Variants in CORO2A observed in about 807,000 individuals in gnomAD.
CORO2A encodes coronin-2A.
CORO2A carries 47 observed loss-of-function variants against 62.4 expected under a neutral mutation model. The ratio of observed to expected loss-of-function variants is 0.75; its 90% confidence interval spans 0.60 to 0.96. CORO2A has a LOEUF of 0.96. Among genes scored for constraint, CORO2A ranks in the 40% least tolerant of loss-of-function variants. The probability of loss-of-function intolerance (pLI) is 0.00; values close to 1 mark genes in which losing one functional copy is unlikely to be tolerated. For synonymous variants in CORO2A, 273 were observed against 268.9 expected (o/e 1.02, Z -0.15); for missense variants, 610 against 684.1 (o/e 0.89, Z 1.21).
At chr9:98,172,490 A>C (rs1422893840) in intron 1 of CORO2A, 1 of 71,036 alleles carries the variant, frequency 1.4e-5, no homozygotes. Flanking sequence ...CCCACACCCC[A>C]CTTCCAAGCT....
chr9:98,133,416 C>T (rs1164685711), intron 4 of CORO2A, among the ~76,000 whole-genome samples, 199 bp from the exon 5 acceptor site: 1 of 152,292 alleles, frequency 6.6e-6, no homozygotes, highest in East Asian at 1.9e-4. Context: ...CAGGGCCAGG[C>T]TGTCTAGTGG....
At chr9:98,131,116 T>G in intron 6 of CORO2A, 57 bp from the exon 7 acceptor site, 1 of 1,177,530 alleles carries the variant, frequency 8.5e-7, no homozygotes. Flanking sequence ...CCCTCAGTGG[T>G]GCTCCCGGAG....
At chr9:98,150,539 GC>G (rs1827709111) in intron 2 of CORO2A, among the ~76,000 whole-genome samples, 1 of 152,094 alleles carries the variant, frequency 6.6e-6, no homozygotes. Context: ...AGACCATCCT[GC>G]CTAAACTAGG....
chr9:98,141,215 C>G (rs1323916692), intron 2 of CORO2A, among the ~76,000 whole-genome samples: 1 of 152,104 alleles, frequency 6.6e-6, no homozygotes, highest in African/African-American at 2.4e-5. Flanking sequence ...TGGTCTCTGC[C>G]TCTTCTACAG....
At position 98,124,405 on chromosome 9, in the gene CORO2A, C is replaced by T. The variant is rs1827286396; in HGVS notation, c.*369G>A. 1.3e-5 allele frequency: 2 copies of T among 157,172 alleles called. No homozygotes were observed. 9.7% of individuals were successfully genotyped at this position (157,172 alleles called of 1,614,324 possible). The stretch of plus-strand genomic sequence containing the variant: ...CAGGCATGAGCCACTGCGTCTGGCC[C>T]AGTCTTCCCCTATTCTCTGGACCAC... On this transcript the variant is annotated 3_prime_UTR_variant, in exon 12 of 12. Transcript: ENST00000375077.
chr9:98,142,312 G>A (rs1827579808), intron 2 of CORO2A, among the ~76,000 whole-genome samples: 1 of 152,248 alleles, frequency 6.6e-6, no homozygotes, highest in Non-Finnish European at 1.5e-5. Flanking sequence ...AAGGTGAGGG[G>A]CAGAGCTGGG....
At chr9:98,190,816 T>G (rs12349273) in intron 1 of CORO2A, among the ~76,000 whole-genome samples, 73 of 152,328 alleles carry the variant, frequency 4.8e-4, no homozygotes, top group African/African-American at 1.2e-3. Flanking sequence ...AGCCTGTGCG[T>G]CGGAGCTGGG....
chr9:98,125,423 A>T (rs1442736066), intron 11 of CORO2A, among the ~76,000 whole-genome samples: 1 of 152,196 alleles, frequency 6.6e-6, no homozygotes, highest in African/African-American at 2.4e-5. Context: ...AGAGACATTC[A>T]GTCTCTGGGT....
intron 2 of CORO2A, among the ~76,000 whole-genome samples, chr9:98,151,242 C>T (rs1827720419): frequency 6.6e-6 from 1 of 151,966 alleles, no homozygotes; most frequent in South Asian, 2.1e-4. Context: ...GGGCATGGTT[C>T]TAAGGAAAAA....
intron 3 of CORO2A, among the ~76,000 whole-genome samples, chr9:98,135,278 G>T (rs1587994005): frequency 6.6e-6 from 1 of 152,324 alleles, no homozygotes; most frequent in East Asian, 1.9e-4. Context: ...TGGGTTTCAG[G>T]CCTGTCTCCT....
intron 1 of CORO2A, among the ~76,000 whole-genome samples, chr9:98,168,336 T>G (rs902848868): frequency 1.3e-5 from 2 of 152,254 alleles, no homozygotes; most frequent in African/African-American, 4.8e-5. Flanking sequence ...TTAATGTGTC[T>G]ATTTCCTCAC....
chr9:98,123,027 CT>C lies in CORO2A; in HGVS notation c.*1746del, dbSNP rs1827263774. 1 of 152,260 alleles carries C rather than the reference CT, an allele frequency of 6.6e-6. No homozygotes were observed. Among genetic ancestry groups the C allele is most frequent in the Non-Finnish European group, 1.5e-5 (1 of 68,074 alleles). 9.4% of individuals were successfully genotyped at this position (152,260 alleles called of 1,614,324 possible). Reference sequence around the variant, plus strand: ...CAGATCACCCCACAGGTAGTTTTCTCTTAGGTCAAGGTTTCAGGTGGCAGAT... The same window carrying C: ...CAGATCACCCCACAGGTAGTTTTCTCTAGGTCAAGGTTTCAGGTGGCAGAT... On this transcript the variant is annotated 3_prime_UTR_variant, in exon 12 of 12. Transcript: ENST00000375077.
intron 2 of CORO2A, among the ~76,000 whole-genome samples, chr9:98,152,167 C>T (rs1429693239): frequency 4.1e-5 from 6 of 147,334 alleles, no homozygotes; most frequent in African/African-American, 1.5e-4. Flanking sequence ...ATTTTTATTG[C>T]TCAATGTTTA....
intron 1 of CORO2A, among the ~76,000 whole-genome samples, chr9:98,188,952 A>AT (rs1828273173): frequency 6.6e-6 from 1 of 152,174 alleles, no homozygotes; most frequent in Admixed American, 6.5e-5. Flanking sequence ...AGCTATTATT[A>AT]TTACTGTTAG....
chr9:98,183,547 G>C (rs144507519), intron 1 of CORO2A, among the ~76,000 whole-genome samples: 243 of 152,338 alleles, frequency 1.6e-3, no homozygotes, highest in Non-Finnish European at 1.9e-3. Flanking sequence ...TGCATACATA[G>C]TTGGCCCTCT....
intron 3 of CORO2A, among the ~76,000 whole-genome samples, chr9:98,136,906 T>G (rs1321399412): frequency 6.6e-6 from 1 of 152,234 alleles, no homozygotes; most frequent in Non-Finnish European, 1.5e-5. Flanking sequence ...TAGGTTGGTC[T>G]CCAACTCCTG....
At chr9:98,178,572 A>G (rs188103233) in intron 1 of CORO2A, among the ~76,000 whole-genome samples, 1 of 152,316 alleles carries the variant, frequency 6.6e-6, no homozygotes, top group East Asian at 1.9e-4. Context: ...AAAACAGACT[A>G]AAGAGTAAGG....
At chr9:98,152,819 A>C (rs1464596261) in intron 2 of CORO2A, among the ~76,000 whole-genome samples, 1 of 152,156 alleles carries the variant, frequency 6.6e-6, no homozygotes. Flanking sequence ...TGAACAACTG[A>C]CCTTTACTCC....
intron 3 of CORO2A, among the ~76,000 whole-genome samples, chr9:98,135,271 G>C (rs777668931): frequency 1.3e-5 from 2 of 152,198 alleles, no homozygotes; most frequent in Admixed American, 6.5e-5. Flanking sequence ...AGGTGGCTGG[G>C]TTTCAGGCCT....
Sources: gnomAD v4.1 joint callset for allele counts (sites outside exome capture counted in the v4.1 genomes callset) on GRCh38, gnomAD v4.1.1 for gene constraint, MANE v1.5 for transcripts, NCBI Gene and HGNC (gene_info 2026-07-23, HGNC 2026-07-21) for gene names.